Variants in ERC2 observed in about 807,000 individuals in gnomAD.
ERC2 encodes the protein ERC protein 2.
ERC2 carries 42 observed loss-of-function variants against 114.8 expected under a neutral mutation model. The observed-to-expected ratio is 0.37, with a 90% CI of 0.29 to 0.47. The LOEUF (loss-of-function observed/expected upper bound fraction) is 0.47, where lower values mean the gene tolerates loss of function less well. Among genes scored for constraint, ERC2 ranks in the 20% least tolerant of loss-of-function variants. ERC2 has a pLI of 0.99. For synonymous variants in ERC2, 454 were observed against 425.5 expected, an observed-to-expected ratio of 1.07 and a Z score of -0.82; for missense variants, 939 against 1,150.7, an observed-to-expected ratio of 0.82 and a Z score of 2.66.
chr3:55,709,643 A>G (rs1200913141), intron 15 of ERC2, among the ~76,000 whole-genome samples: 1 of 152,184 alleles, frequency 6.6e-6, no homozygotes, highest in African/African-American at 2.4e-5. Context: ...AGCAAATGCA[A>G]TCTGGGCCTG....
intron 17 of ERC2, among the ~76,000 whole-genome samples, chr3:55,667,364 CT>C (rs1190688716): frequency 6.6e-6 from 1 of 152,162 alleles, no homozygotes; most frequent in Non-Finnish European, 1.5e-5. Context: ...AAATGGAGAC[CT>C]TTAAAAAGAT....
rs536506695 is a variant in ERC2 at position 56,454,036 on chromosome 3, T to C, written c.-141+14212A>G. Among the ~76,000 whole-genome samples the C allele has an allele frequency of 5.9e-5, 9 of 152,294 alleles. No homozygotes were observed. The South Asian group carries it at 1.9e-3, about 32-fold the overall frequency. Reference sequence around the variant, plus strand: ...CCCACCTCCTGCTATCGTGATTCCATCTTATAATGGCTGTGTGACTTACAG... The same window carrying C: ...CCCACCTCCTGCTATCGTGATTCCACCTTATAATGGCTGTGTGACTTACAG... On this transcript the variant is annotated intron_variant, in intron 1 of 17. Coordinates refer to ENST00000288221, the MANE Select transcript of ERC2 (RefSeq NM_015576.3).
chr3:56,015,892 C>G (rs2073272404), intron 8 of ERC2, among the ~76,000 whole-genome samples: 1 of 152,116 alleles, frequency 6.6e-6, no homozygotes, highest in Admixed American at 6.6e-5. Flanking sequence ...ATTTTAATAC[C>G]TGCCATTCTG....
rs71096498 is a variant in ERC2, at chr3:55,729,837, CAAAAAAAAAAAA to C, written c.2712+4922_2712+4933del. On this transcript the variant is annotated intron_variant, in intron 15 of 17. Coordinates refer to ENST00000288221, the MANE Select transcript of ERC2 (RefSeq NM_015576.3). The stretch of plus-strand genomic sequence containing the variant: ...AGGGTAATGCAGTGAGACTCTATCG[CAAAAAAAAAAAA>C]AAAAAAAAAAAAAAAATTGTAAGCT... Among the ~76,000 whole-genome samples the C allele has an allele frequency of 1.5e-4, 9 of 61,630 alleles. 1 individual carries two copies. Among genetic ancestry groups the C allele is most frequent in the East Asian group, 1.1e-3 (2 of 1,744 alleles). 40.4% of individuals were successfully genotyped at this position (61,630 alleles called of 152,430 possible). A position where few individuals can be genotyped will look rare whatever the true frequency, so the allele number is the denominator to read the frequency against.
chr3:56,433,037 C>T (rs1466840016), intron 2 of ERC2, among the ~76,000 whole-genome samples: 1 of 151,750 alleles, frequency 6.6e-6, no homozygotes, highest in Non-Finnish European at 1.5e-5. Context: ...AATCGGCAGG[C>T]TGTGGTGATA....
chr3:55,998,043 G>A (rs554261954), intron 10 of ERC2, among the ~76,000 whole-genome samples: 2 of 150,200 alleles, frequency 1.3e-5, no homozygotes, highest in Admixed American at 1.3e-4. Context: ...GGGATTACAG[G>A]CACAAGCCGC....
chr3:56,081,378 CG>C (rs1439204927), intron 6 of ERC2, among the ~76,000 whole-genome samples: 1 of 151,992 alleles, frequency 6.6e-6, no homozygotes, highest in East Asian at 1.9e-4. Context: ...TCCTGAAATA[CG>C]GAGAACACAA....
chr3:55,531,411 T>C (rs766495325), intron 17 of ERC2, among the ~76,000 whole-genome samples: 1 of 152,148 alleles, frequency 6.6e-6, no homozygotes, highest in Non-Finnish European at 1.5e-5. Context: ...TCCTTCCCCA[T>C]GACAAGCCAC....
intron 17 of ERC2, among the ~76,000 whole-genome samples, chr3:55,538,957 T>C (rs918088095): frequency 2.6e-4 from 40 of 152,312 alleles, no homozygotes; most frequent in African/African-American, 9.6e-4. Flanking sequence ...TCCACACAAT[T>C]GTGGATTGGG....
intron 15 of ERC2, among the ~76,000 whole-genome samples, chr3:55,708,524 A>G (rs904579329): frequency 3.9e-5 from 6 of 152,250 alleles, no homozygotes; most frequent in African/African-American, 7.2e-5. Context: ...GGACTGTAAC[A>G]GTATGCAGAG....
At chr3:55,955,699 A>G (rs534173034) in intron 12 of ERC2, among the ~76,000 whole-genome samples, 13 of 152,306 alleles carry the variant, frequency 8.5e-5, no homozygotes, top group Admixed American at 2.6e-4. Context: ...GTTGCAATGA[A>G]CATTCTTATA....
intron 6 of ERC2, among the ~76,000 whole-genome samples, chr3:56,138,813 C>T (rs2080676750): frequency 6.6e-6 from 1 of 152,122 alleles, no homozygotes; most frequent in African/African-American, 2.4e-5. Flanking sequence ...TTTTGCATTT[C>T]TTAGCAGACC....
chr3:55,568,058 T>C (rs2056483830), intron 17 of ERC2, among the ~76,000 whole-genome samples: 1 of 152,234 alleles, frequency 6.6e-6, no homozygotes, highest in Non-Finnish European at 1.5e-5. Flanking sequence ...GGAGATGCTG[T>C]ATATTAAAAT....
intron 3 of ERC2, among the ~76,000 whole-genome samples, chr3:56,229,008 C>T (rs547768974): frequency 1.3e-5 from 2 of 152,214 alleles, no homozygotes; most frequent in African/African-American, 4.8e-5. Flanking sequence ...AAGCCCCAAT[C>T]CTAATATTAA....
At chr3:56,093,666 T>A (rs570897756) in intron 6 of ERC2, among the ~76,000 whole-genome samples, 1 of 151,814 alleles carries the variant, frequency 6.6e-6, no homozygotes, top group South Asian at 2.1e-4. Context: ...ACTTTGACAT[T>A]GTATTTTCAT....
intron 17 of ERC2, among the ~76,000 whole-genome samples, chr3:55,602,758 C>T (rs1480232176): frequency 1.3e-5 from 2 of 152,170 alleles, no homozygotes; most frequent in Admixed American, 1.3e-4. Context: ...TTCACCCCCC[C>T]AATGAACGCC....
At chr3:56,314,083 G>T (rs912016378) in intron 2 of ERC2, among the ~76,000 whole-genome samples, 18 of 152,114 alleles carry the variant, frequency 1.2e-4, no homozygotes, top group African/African-American at 4.3e-4. Context: ...AAGTTTTAAA[G>T]ATTTGATTTA....
At chr3:55,888,669 G>T (rs533215896) in intron 13 of ERC2, 120 bp from the exon 14 acceptor site, 3 of 1,216,120 alleles carry the variant, frequency 2.5e-6, no homozygotes, top group East Asian at 2.3e-5. Context: ...GAACTGGGCC[G>T]CTGTGTCTTG....
intron 1 of ERC2, among the ~76,000 whole-genome samples, chr3:56,449,335 C>A (rs1410239321): frequency 6.6e-6 from 1 of 152,144 alleles, no homozygotes; most frequent in African/African-American, 2.4e-5. Flanking sequence ...CAGGCACAGG[C>A]TCCAGGTGGG....
Sources: gnomAD v4.1 joint callset for allele counts (sites outside exome capture counted in the v4.1 genomes callset) on GRCh38, gnomAD v4.1.1 for gene constraint, MANE v1.5 for transcripts, NCBI Gene and HGNC (gene_info 2026-07-23, HGNC 2026-07-21) for gene names.